The following APPL2 variants were observed in gnomAD, a reference collection of about 807,000 sequenced individuals.
APPL2 encodes the protein DCC-interacting protein 13-beta.
Under a neutral mutation model 92.7 loss-of-function variants are expected in APPL2, and 84 were observed. The observed-to-expected ratio is 0.91, with a 90% CI of 0.76 to 1.09. The LOEUF (loss-of-function observed/expected upper bound fraction) is 1.09. Among genes scored for constraint, APPL2 ranks in the 50% least tolerant of loss-of-function variants. The pLI, the probability that APPL2 is intolerant of heterozygous loss-of-function variation, is 0.00. For synonymous variants in APPL2, 291 were observed against 291.0 expected, an observed-to-expected ratio of 1.00 and a Z score of 0.00; for missense variants, 736 against 824.5, an observed-to-expected ratio of 0.89 and a Z score of 1.31.
intron 2 of APPL2, among the ~76,000 whole-genome samples, chr12:105,219,905 G>T (rs1421030398): frequency 8.5e-5 from 13 of 152,204 alleles, no homozygotes; most frequent in African/African-American, 3.1e-4. Flanking sequence ...AACATGATTT[G>T]CAGACCCACA....
intron 8 of APPL2, among the ~76,000 whole-genome samples, chr12:105,205,480 A>G (rs1374115066): frequency 6.6e-6 from 1 of 152,184 alleles, no homozygotes; most frequent in Non-Finnish European, 1.5e-5. Flanking sequence ...CTCACTTAAG[A>G]GAGTCCAGGC....
chr12:105,220,559 C>A (rs1200335357), intron 2 of APPL2, among the ~76,000 whole-genome samples: 1 of 152,164 alleles, frequency 6.6e-6, no homozygotes, highest in African/African-American at 2.4e-5. Context: ...TCATTCTTTT[C>A]TTTATTTTAG....
intron 9 of APPL2, 87 bp from the exon 10 acceptor site, chr12:105,199,618 C>G (rs964846530): frequency 1.4e-5 from 20 of 1,441,906 alleles, no homozygotes; most frequent in Non-Finnish European, 1.9e-5. Flanking sequence ...ACTCCACCCC[C>G]GCAAAGCTTC....
chr12:105,201,012 G>A (rs1215033642), intron 9 of APPL2, among the ~76,000 whole-genome samples: 1 of 152,068 alleles, frequency 6.6e-6, no homozygotes, highest in Non-Finnish European at 1.5e-5. Context: ...GGGTTCAAGC[G>A]ATTCCCATGC....
At chr12:105,217,635 A>G (rs2136048203) in intron 3 of APPL2, 31 bp downstream of exon 3, 1 of 1,609,352 alleles carries the variant, frequency 6.2e-7, no homozygotes, top group Non-Finnish European at 8.5e-7. Context: ...TGAACACAGC[A>G]GCATCACAGG....
chr12:105,208,703 A>G (rs1403435164), intron 5 of APPL2, among the ~76,000 whole-genome samples: 1 of 152,168 alleles, frequency 6.6e-6, no homozygotes, highest in Non-Finnish European at 1.5e-5. Flanking sequence ...GATCTAGCAT[A>G]CTGTAGTTGC....
chr12:105,188,909 GTGA>G (rs767455506), intron 16 of APPL2, among the ~76,000 whole-genome samples: 3 of 152,244 alleles, frequency 2.0e-5, no homozygotes, highest in Admixed American at 6.5e-5. Flanking sequence ...CGGAAAGGCA[GTGA>G]TGATGTTTCA....
At chr12:105,201,892 C>A (rs1344532535) in intron 9 of APPL2, among the ~76,000 whole-genome samples, 1 of 152,194 alleles carries the variant, frequency 6.6e-6, no homozygotes, top group African/African-American at 2.4e-5. Flanking sequence ...AATCCACCCC[C>A]ACCTGGAAAG....
intron 19 of APPL2, chr12:105,176,294 A>T (rs1885539239): frequency 9.1e-6 from 5 of 552,336 alleles, no homozygotes; most frequent in Non-Finnish European, 1.6e-5. Flanking sequence ...CACAAAAAAT[A>T]TTCCAGGTAA....
chr12:105,174,411 G>A lies in APPL2; in HGVS notation c.1898C>T (p.Pro633Leu). ...TACATATTTTCCGTCATTGGTTAGT[G>A]GTATGGACAGCATTAATTGAGCCAG... The part of the protein sequence containing the change: ...EALAQLMLSI[P>L]LTNDGKYVLL... Residue 633 changes from proline to leucine, a missense_variant, in exon 21 of 21, where the codon CCA becomes CTA. Physicochemically the swap from Pro to Leu is moderately conservative, Grantham distance 98. Coordinates refer to ENST00000258530, the MANE Select transcript of APPL2 (RefSeq NM_018171.5). 1 of 1,613,754 alleles carries A rather than the reference G, an allele frequency of 6.2e-7. No individual in the cohort carries two copies. The highest frequency in any genetic ancestry group is 1.1e-5 in the South Asian group (1 of 91,022).
chr12:105,195,156 T>G lies in APPL2; in HGVS notation c.1241+105A>C, dbSNP rs1050677231. ...TCGTTACTGCTTCTGTTAAACAGGC[T>G]GAAAAACATGCCTTGGTTTGTGTGG... is the stretch of plus-strand genomic sequence containing the variant. On this transcript the variant is annotated intron_variant, in intron 14 of 20. Transcript: ENST00000258530. The G allele has an allele frequency of 3.5e-6, 4 of 1,147,018 alleles. No individual in the cohort carries two copies. The African/African-American group carries it at 6.1e-5, about 18-fold the overall frequency. The allele number at this position is 1,147,018 out of a possible 1,614,324, so 71.1% of individuals were successfully genotyped here.
intron 20 of APPL2, 30 bp from the exon 21 acceptor site, chr12:105,174,478 AAG>A (rs1885290515): frequency 1.2e-6 from 2 of 1,602,204 alleles, no homozygotes; most frequent in African/African-American, 2.7e-5. Flanking sequence ...AAAGGGAAAA[AAG>A]AAAAGGCTTA....
At chr12:105,189,851 A>T (rs1887044812) in intron 15 of APPL2, 27 bp from the exon 16 acceptor site, 3 of 1,613,982 alleles carry the variant, frequency 1.9e-6, no homozygotes, top group Non-Finnish European at 2.5e-6. Flanking sequence ...AGTTGAACAA[A>T]CACGACAGCT....
At chr12:105,209,657 CA>C (rs578119569) in intron 5 of APPL2, among the ~76,000 whole-genome samples, 11 of 152,200 alleles carry the variant, frequency 7.2e-5, no homozygotes, top group African/African-American at 2.4e-4. Flanking sequence ...GAAAACCCTT[CA>C]AAAAAATGCA....
intron 17 of APPL2, among the ~76,000 whole-genome samples, chr12:105,182,252 C>T (rs891789778): frequency 6.6e-6 from 1 of 152,240 alleles, no homozygotes; most frequent in African/African-American, 2.4e-5. Context: ...TGGTCTCAAA[C>T]TCCTGACCTC....
intron 7 of APPL2, among the ~76,000 whole-genome samples, chr12:105,207,603 C>T (rs985967256): frequency 2.0e-5 from 3 of 152,120 alleles, no homozygotes; most frequent in Non-Finnish European, 4.4e-5. Flanking sequence ...TGAAAATAGT[C>T]AATATTATCT....
At chr12:105,179,015 T>G (rs574747456) in intron 17 of APPL2, among the ~76,000 whole-genome samples, 2 of 152,210 alleles carry the variant, frequency 1.3e-5, no homozygotes, top group African/African-American at 2.4e-5. Context: ...CTTTAAGTTC[T>G]GAGATACATG....
At chr12:105,193,885 G>A (rs1319419896) in intron 14 of APPL2, among the ~76,000 whole-genome samples, 1 of 151,948 alleles carries the variant, frequency 6.6e-6, no homozygotes, top group South Asian at 2.1e-4. Flanking sequence ...TCTGACCATC[G>A]CCCATTTTCT....
intron 10 of APPL2, among the ~76,000 whole-genome samples, chr12:105,199,101 A>G (rs1887912612): frequency 6.6e-6 from 1 of 152,212 alleles, no homozygotes; most frequent in South Asian, 2.1e-4. Context: ...GCAACAGTTA[A>G]GAGTGGTCTG....
Sources: allele counts gnomAD v4.1 joint callset (sites outside exome capture counted in the v4.1 genomes callset), GRCh38; gene constraint gnomAD v4.1.1; transcripts MANE v1.5; gene names NCBI Gene and HGNC (gene_info 2026-07-23, HGNC 2026-07-21).